The following RAB30 variants were observed in gnomAD, a reference collection of about 807,000 sequenced individuals.
The protein encoded by RAB30 is RAB30, member RAS oncogene family, also known as ras-related protein Rab-30.
Under a neutral mutation model 25.1 loss-of-function variants are expected in RAB30, and 9 were observed. The ratio of observed to expected loss-of-function variants is 0.36; its 90% CI spans 0.22 to 0.63. The LOEUF is 0.63. Ranked by LOEUF, RAB30 falls within the 20% of genes least tolerant of loss-of-function variation. The pLI, the probability that RAB30 is intolerant of heterozygous loss-of-function variation, is 0.69. For missense variants in RAB30, 140 were observed against 243.5 expected (o/e 0.58, Z 2.83); for synonymous variants, 77 against 86.4 (o/e 0.89, Z 0.60).
intron 1 of RAB30, among the ~76,000 whole-genome samples, chr11:83,018,783 G>C (rs1368478761): frequency 6.6e-6 from 1 of 152,174 alleles, no homozygotes; most frequent in Non-Finnish European, 1.5e-5. Context: ...ACATCTAGAA[G>C]AGTTTTACTG....
chr11:83,014,602 G>T (rs202006308), intron 1 of RAB30, among the ~76,000 whole-genome samples: 4 of 60,878 alleles, frequency 6.6e-5, no homozygotes, highest in Admixed American at 5.6e-4. Flanking sequence ...AGAGGCAGAG[G>T]CAGAGAGAGA....
At chr11:83,041,777 T>C (rs1858122889) in intron 1 of RAB30, among the ~76,000 whole-genome samples, 1 of 152,164 alleles carries the variant, frequency 6.6e-6, no homozygotes, top group Non-Finnish European at 1.5e-5. Flanking sequence ...CAGTGGCTCA[T>C]GCCTATAATC....
At position 82,980,926 on chromosome 11, in the gene RAB30, G is replaced by A. The variant is rs1222652615; in HGVS notation, c.*1239C>T. 1 of 152,186 alleles carries A rather than the reference G, an allele frequency of 6.6e-6. No individual in the cohort carries two copies. The highest frequency in any genetic ancestry group is 2.4e-5 in the African/African-American group (1 of 41,442). 9.4% of individuals were successfully genotyped at this position (152,186 alleles called of 1,614,324 possible). On this transcript the variant is annotated 3_prime_UTR_variant, in exon 5 of 5. Coordinates refer to ENST00000527633, the MANE Select transcript of RAB30 (RefSeq NM_001286060.2). ...AGAAAGAACATATGGTTAAGCGTCT[G>A]AAGGTAACATTATTACAAGAAGGAG...
intron 1 of RAB30, among the ~76,000 whole-genome samples, chr11:83,018,510 G>A (rs1387603675): frequency 6.6e-6 from 1 of 151,946 alleles, no homozygotes; most frequent in African/African-American, 2.4e-5. Flanking sequence ...GTCTATTTAT[G>A]TCCTTTGACC....
intron 1 of RAB30, among the ~76,000 whole-genome samples, chr11:83,002,939 T>C (rs1173168545): frequency 4.6e-5 from 7 of 152,204 alleles, no homozygotes. Flanking sequence ...CTCCAAACCC[T>C]AGTCCCCTAA....
intron 1 of RAB30, among the ~76,000 whole-genome samples, chr11:83,068,826 G>A (rs1858766733): frequency 6.6e-6 from 1 of 152,188 alleles, no homozygotes; most frequent in Non-Finnish European, 1.5e-5. Flanking sequence ...AACCTTTCCT[G>A]ATAACCCTAG....
At chr11:83,001,712 C>T (rs11233407) in intron 1 of RAB30, among the ~76,000 whole-genome samples, 5,342 of 152,220 alleles carry the variant, frequency 0.035, 329 homozygotes, top group African/African-American at 0.12. Flanking sequence ...CACCAATCCC[C>T]ATGTGATGAG....
chr11:83,022,463 G>T (rs186289042), intron 1 of RAB30, among the ~76,000 whole-genome samples: 1 of 152,214 alleles, frequency 6.6e-6, no homozygotes, highest in East Asian at 1.9e-4. Flanking sequence ...TTGGTCCAAA[G>T]AGCTTCTTAA....
intron 1 of RAB30, among the ~76,000 whole-genome samples, chr11:83,036,929 G>C (rs899918019): frequency 5.3e-5 from 8 of 152,218 alleles, no homozygotes; most frequent in Admixed American, 2.6e-4. Flanking sequence ...ACAGGGCCTC[G>C]TTGACCATGG....
intron 1 of RAB30, among the ~76,000 whole-genome samples, chr11:83,016,107 C>T (rs1857431023): frequency 6.6e-6 from 1 of 152,170 alleles, no homozygotes; most frequent in Non-Finnish European, 1.5e-5. Flanking sequence ...CACTGTACTC[C>T]AGCCTGGGCA....
chr11:83,068,936 T>A (rs983374853), intron 1 of RAB30, among the ~76,000 whole-genome samples: 1 of 152,208 alleles, frequency 6.6e-6, no homozygotes, highest in Non-Finnish European at 1.5e-5. Context: ...CCTATTAGAA[T>A]ATAAGCTCCA....
At chr11:83,005,406 T>C (rs748221453) in intron 1 of RAB30, among the ~76,000 whole-genome samples, 3 of 152,186 alleles carry the variant, frequency 2.0e-5, no homozygotes, top group Admixed American at 6.5e-5. Context: ...TTTAATCTTT[T>C]CAGTAGGCCA....
chr11:83,016,678 C>T (rs542487817), intron 1 of RAB30, among the ~76,000 whole-genome samples: 7 of 152,318 alleles, frequency 4.6e-5, no homozygotes, highest in African/African-American at 1.7e-4. Flanking sequence ...CAAGTGCATT[C>T]TCTTTCTACA....
Position 83,016,172 on chromosome 11 carries a change from G to A in RAB30, c.-8-18848C>T, listed in dbSNP as rs879207962. Among the ~76,000 whole-genome samples the A allele has an allele frequency of 5.3e-5, 8 of 152,044 alleles. No individual in the cohort carries two copies. In the East Asian group the frequency reaches 9.7e-4, roughly 18 times the overall value. ...TAAAACAAACAAACAAAAAAACAAC[G>A]AAGTGGCCTTAGATTTGGCAACATG... On this transcript the variant is annotated intron_variant, in intron 1 of 4. Coordinates refer to ENST00000527633, the MANE Select transcript of RAB30 (RefSeq NM_001286060.2).
At chr11:83,055,206 AC>A (rs1858433490) in intron 1 of RAB30, among the ~76,000 whole-genome samples, 1 of 152,236 alleles carries the variant, frequency 6.6e-6, no homozygotes, top group Admixed American at 6.5e-5. Context: ...CTGCCACCAT[AC>A]ATAAAGTGCC....
At chr11:83,038,455 G>C (rs1858034084) in intron 1 of RAB30, among the ~76,000 whole-genome samples, 1 of 152,158 alleles carries the variant, frequency 6.6e-6, no homozygotes, top group South Asian at 2.1e-4. Context: ...CTTTGAAATA[G>C]GGGGAAAGCA....
At position 82,982,155 on chromosome 11, in the gene RAB30, G is replaced by T. The variant is rs377031464; in HGVS notation, c.*10C>A. On this transcript the variant is annotated 3_prime_UTR_variant, in exon 5 of 5. Coordinates refer to ENST00000527633, the MANE Select transcript of RAB30 (RefSeq NM_001286060.2). ...GTTGCTGATTCCTTTTCTTCTCCGT[G>T]CCTCAGCCTTTAGTTGAAATTACAA... 1.4e-5 allele frequency: 22 copies of T among 1,613,778 alleles called. No homozygotes were observed. Among genetic ancestry groups the T allele is most frequent in the Admixed American group, 5.0e-5 (3 of 60,002 alleles).
intron 1 of RAB30, among the ~76,000 whole-genome samples, chr11:83,044,112 G>C (rs978568376): frequency 1.3e-5 from 2 of 152,148 alleles, no homozygotes; most frequent in African/African-American, 4.8e-5. Context: ...AGAAACGTGG[G>C]CAGGTCTTTG....
chr11:83,025,557 A>C (rs1022333611), intron 1 of RAB30, among the ~76,000 whole-genome samples: 2 of 152,230 alleles, frequency 1.3e-5, no homozygotes, highest in African/African-American at 4.8e-5. Flanking sequence ...CTGAAATTAC[A>C]ATGCTGAATT....
Sources: gnomAD v4.1 joint callset for allele counts (sites outside exome capture counted in the v4.1 genomes callset) on GRCh38, gnomAD v4.1.1 for gene constraint, MANE v1.5 for transcripts, NCBI Gene and HGNC (gene_info 2026-07-23, HGNC 2026-07-21) for gene names.